The following SPTBN2 variants were observed in gnomAD, a reference collection of about 807,000 sequenced individuals.
SPTBN2 encodes the protein spectrin beta chain, non-erythrocytic 2.
In SPTBN2, 107 loss-of-function variants were observed where a neutral mutation model predicts 284.2. The ratio of observed to expected loss-of-function variants is 0.38; its 90% CI spans 0.32 to 0.44. The LOEUF is 0.44. Ranked by LOEUF, SPTBN2 falls within the 20% of genes least tolerant of loss-of-function variation. SPTBN2 has a pLI of 1.00. For synonymous variants in SPTBN2, 1,289 were observed against 1,354.8 expected (o/e 0.95, Z 1.07); for missense variants, 2,569 against 3,287.1 (o/e 0.78, Z 5.34).
intron 1 of SPTBN2, among the ~76,000 whole-genome samples, chr11:66,722,155 A>G (rs937294166): frequency 6.6e-6 from 1 of 152,192 alleles, no homozygotes; most frequent in Non-Finnish European, 1.5e-5. Flanking sequence ...AGAGAATGTT[A>G]GTAAGTACTC....
chr11:66,719,379 C>G (rs1942291288), intron 3 of SPTBN2, among the ~76,000 whole-genome samples: 1 of 152,252 alleles, frequency 6.6e-6, no homozygotes, highest in Admixed American at 6.5e-5. Flanking sequence ...TTCCTCTGGG[C>G]TTCAGCGTTT....
chr11:66,699,153 G>A, intron 18 of SPTBN2, 71 bp from the exon 19 acceptor site: 1 of 1,574,866 alleles, frequency 6.3e-7, no homozygotes, highest in Non-Finnish European at 8.7e-7. Context: ...GCTAACCTAG[G>A]GGCCTCCATT....
chr11:66,739,005 C>G (rs2135612779), intron 1 of SPTBN2, among the ~76,000 whole-genome samples: 1 of 152,200 alleles, frequency 6.6e-6, no homozygotes, highest in Non-Finnish European at 1.5e-5. Context: ...GCAGGGTTTG[C>G]CATGTTGGCC....
At chr11:66,698,922 T>A in intron 19 of SPTBN2, 70 bp downstream of exon 19, 1 of 1,603,194 alleles carries the variant, frequency 6.2e-7, no homozygotes, top group Non-Finnish European at 8.5e-7. Flanking sequence ...TACCTTGTGC[T>A]GGACTTATTC....
chr11:66,688,556 G>T, intron 31 of SPTBN2, 97 bp downstream of exon 31: 1 of 1,505,966 alleles, frequency 6.6e-7, no homozygotes, highest in Non-Finnish European at 9.0e-7. Flanking sequence ...GGCCACTGGT[G>T]CAGTGGGAAG....
rs1565151049 is a variant in SPTBN2 at position 66,715,603 on chromosome 11, G to C, written c.310-208C>G. 6.6e-6 allele frequency among the ~76,000 whole-genome samples: 1 copy of C among 152,208 alleles called. No individual in the cohort carries two copies. The highest frequency in any genetic ancestry group is 1.5e-5 in the Non-Finnish European group (1 of 68,034). On this transcript the variant is annotated intron_variant, in intron 4 of 37. Transcript: ENST00000533211. This position sits in a 1 kb window ranked among gnomAD's most constrained non-coding sequence, Gnocchi z 5.3. ...AAGGGAATTAATTGCACCCAGAGTA[G>C]GTGGGAAAAGAAATGTTTTCAATGG...
rs1188354584 is a variant in SPTBN2 at position 66,684,748 on chromosome 11, T to C, written c.*1123A>G. ...TGACTTCATTCTGTTGATCAGTTTA[T>C]TGGAACCTGCCACTTCTCAGATCCC... On this transcript the variant is annotated 3_prime_UTR_variant, in exon 38 of 38. Coordinates refer to ENST00000533211, the MANE Select transcript of SPTBN2 (RefSeq NM_006946.4). 6.6e-6 allele frequency among the ~76,000 whole-genome samples: 1 copy of C among 152,166 alleles called. No individual in the cohort carries two copies. Among genetic ancestry groups the C allele is most frequent in the Non-Finnish European group, 1.5e-5 (1 of 68,022 alleles).
upstream of SPTBN2, among the ~76,000 whole-genome samples, chr11:66,733,855 G>A (rs1942833043): frequency 1.3e-5 from 2 of 152,044 alleles, no homozygotes; most frequent in African/African-American, 2.4e-5. Context: ...GCAGGCGCCT[G>A]TAGTCCCAGC....
intron 8 of SPTBN2, among the ~76,000 whole-genome samples, chr11:66,711,955 G>A (rs914670450): frequency 6.6e-6 from 1 of 152,220 alleles, no homozygotes; most frequent in African/African-American, 2.4e-5. Flanking sequence ...GCCAAGACCA[G>A]TGAACATCCA....
At position 66,687,707 on chromosome 11, in the gene SPTBN2, CA is replaced by C. The variant is rs1375355459; in HGVS notation, c.6502-61del. On this transcript the variant is annotated intron_variant, in intron 34 of 37. Transcript: ENST00000533211. This position sits in a 1 kb window ranked among gnomAD's most constrained non-coding sequence, Gnocchi z 5.2. Reference sequence around the variant, plus strand: ...GACGGGAGATCCCTAACCTGGGTGCCAGGAAGCTCCGTGTCCAGGAGTTGGT... The same window carrying C: ...GACGGGAGATCCCTAACCTGGGTGCCGGAAGCTCCGTGTCCAGGAGTTGGT... 6.4e-7 allele frequency: 1 copy of C among 1,574,042 alleles called. No homozygotes were observed. The highest frequency in any genetic ancestry group is 1.3e-5 in the African/African-American group (1 of 74,092).
chr11:66,730,452 G>T (rs1328615468), upstream of SPTBN2, among the ~76,000 whole-genome samples: 2 of 151,940 alleles, frequency 1.3e-5, no homozygotes, highest in African/African-American at 4.8e-5. Context: ...CGTGGTGGTG[G>T]GCATGAAATC....
intron 21 of SPTBN2, among the ~76,000 whole-genome samples, chr11:66,695,340 C>T (rs917511322): frequency 2.0e-5 from 3 of 152,200 alleles, no homozygotes; most frequent in Non-Finnish European, 4.4e-5. Flanking sequence ...ACTGCAGCCT[C>T]GACTCTCCAG....
chr11:66,690,331 G>C, intron 27 of SPTBN2, 48 bp from the exon 28 acceptor site: 1 of 1,516,152 alleles, frequency 6.6e-7, no homozygotes, highest in Non-Finnish European at 8.8e-7. Flanking sequence ...ACTCCAAGGA[G>C]CCGCAGCCTG....
intron 1 of SPTBN2, among the ~76,000 whole-genome samples, chr11:66,723,204 T>TAA (rs749851666): frequency 3.5e-5 from 5 of 141,050 alleles, no homozygotes; most frequent in African/African-American, 1.0e-4. Flanking sequence ...CTGCTGGGGA[T>TAA]AAAAAAAAAA....
chr11:66,705,707 A>C lies in SPTBN2; in HGVS notation c.1784T>G (p.Leu595Arg). 1.2e-6 allele frequency: 2 copies of C among 1,612,120 alleles called. No individual in the cohort carries two copies. Among genetic ancestry groups the C allele is most frequent in the East Asian group, 4.5e-5 (2 of 44,862 alleles). The change falls in exon 14 of 38, where the codon CTG (leucine) becomes CGG (arginine). Residue 595 changes from leucine to arginine, a missense_variant. Leu to Arg is a moderately radical substitution (Grantham distance 102, BLOSUM62 -2). Coordinates refer to ENST00000533211, the MANE Select transcript of SPTBN2 (RefSeq NM_006946.4). ...ERVRAVSASA[L>R]RFCNPGKEYR... The stretch of plus-strand genomic sequence containing the variant: ...ACCTTTCCCTGGGTTGCAGAAGCGC[A>C]GGGCAGAGGCGCTGACGGCCCGCAC...
At chr11:66,702,579 C>T (rs566071662) in intron 15 of SPTBN2, among the ~76,000 whole-genome samples, 2 of 152,356 alleles carry the variant, frequency 1.3e-5, no homozygotes, top group South Asian at 2.1e-4. Context: ...TTCAGCCCTG[C>T]TGCTGTAGCC....
chr11:66,732,690 G>C (rs1297829713), upstream of SPTBN2, among the ~76,000 whole-genome samples: 5 of 149,472 alleles, frequency 3.3e-5, no homozygotes, highest in East Asian at 9.9e-4. Flanking sequence ...AAGAGGCTGC[G>C]CGCGGTGGCT....
At chr11:66,726,647 T>A (rs1359219843) in intron 1 of SPTBN2, among the ~76,000 whole-genome samples, 1 of 152,034 alleles carries the variant, frequency 6.6e-6, no homozygotes, top group Non-Finnish European at 1.5e-5. Flanking sequence ...GAGAGGAAGA[T>A]GAAGATGGAG....
rs753891242 is a variant in SPTBN2, at chr11:66,714,163, T to C, written c.584A>G (p.Asn195Ser). The change falls in exon 7 of 38, where the codon AAC (asparagine) becomes AGC (serine). Residue 195 changes from asparagine to serine, a missense_variant. By Grantham distance (46) the Asn-to-Ser change is conservative. This residue lies in a region of SPTBN2 where 304 missense variants were observed against 522.1 expected (regional missense o/e 0.58). Transcript: ENST00000533211. The stretch of plus-strand genomic sequence containing the variant: ...GGTGGTGAAGTTGTGTACATTGACG[T>C]TGGGATAACTATAAACAGAGATTCA... ...WCQMKTAGYP[N>S]VNVHNFTTSW... 7.4e-6 allele frequency: 12 copies of C among 1,614,142 alleles called. No homozygotes were observed. The highest frequency in any genetic ancestry group is 2.2e-5 in the East Asian group (1 of 44,888).
Sources: allele counts gnomAD v4.1 joint callset (sites outside exome capture counted in the v4.1 genomes callset), GRCh38; gene constraint gnomAD v4.1.1; regional missense constraint gnomAD v4.1.1; non-coding constraint Gnocchi (gnomAD v3.1); transcripts MANE v1.5; gene names NCBI Gene and HGNC (gene_info 2026-07-23, HGNC 2026-07-21).